The following PACRG variants were observed in gnomAD, a reference collection of about 807,000 sequenced individuals.
The protein encoded by PACRG is parkin coregulated gene protein.
In PACRG, 29 loss-of-function variants were observed where a neutral mutation model predicts 29.7. That is an observed-to-expected ratio of 0.98 (90% CI 0.73 to 1.33). The LOEUF is 1.33. Among genes scored for constraint, PACRG ranks in the 40% most tolerant of loss-of-function variants. The pLI is 0.00. For synonymous variants in PACRG, 116 were observed against 118.7 expected (o/e 0.98, Z 0.15); for missense variants, 279 against 316.2 (o/e 0.88, Z 0.89).
intron 4 of PACRG, among the ~76,000 whole-genome samples, chr6:163,242,434 C>G (rs774687792): frequency 7.2e-5 from 11 of 152,180 alleles, no homozygotes; most frequent in Non-Finnish European, 1.6e-4. Flanking sequence ...TTGGAAACTG[C>G]CCTGGACTGG....
At chr6:163,302,562 TG>T (rs768363232) in intron 4 of PACRG, among the ~76,000 whole-genome samples, 8 of 152,360 alleles carry the variant, frequency 5.3e-5, no homozygotes, top group Non-Finnish European at 1.0e-4. Context: ...TGCTTTGATT[TG>T]TTCATTAAAT....
At chr6:163,301,355 C>T (rs1203388646) in intron 4 of PACRG, among the ~76,000 whole-genome samples, 2 of 152,220 alleles carry the variant, frequency 1.3e-5, no homozygotes, top group African/African-American at 4.8e-5. Context: ...ACATATTGAA[C>T]TATATCTGAA....
At chr6:162,736,939 C>A (rs1780210103) in intron 1 of PACRG, among the ~76,000 whole-genome samples, 1 of 152,096 alleles carries the variant, frequency 6.6e-6, no homozygotes, top group Admixed American at 6.5e-5. Flanking sequence ...CTTTGTCTTT[C>A]ACTTAGGTTG....
chr6:162,735,780 A>G (rs928871478), intron 1 of PACRG, among the ~76,000 whole-genome samples: 1 of 152,184 alleles, frequency 6.6e-6, no homozygotes, highest in African/African-American at 2.4e-5. Context: ...CCTCAAACAT[A>G]CTTGTGTATT....
intron 2 of PACRG, among the ~76,000 whole-genome samples, chr6:163,010,588 C>T (rs1441889258): frequency 6.6e-6 from 1 of 152,160 alleles, no homozygotes; most frequent in Non-Finnish European, 1.5e-5. Context: ...ATCATGTAGC[C>T]AGAGTCTGCC....
At chr6:163,312,651 G>GTTT (rs1785471512) in intron 4 of PACRG, 1 of 287,808 alleles carries the variant, frequency 3.5e-6, no homozygotes, top group African/African-American at 2.3e-5. Flanking sequence ...CCATTTACAT[G>GTTT]TTTGTTTTTA....
intron 1 of PACRG, among the ~76,000 whole-genome samples, chr6:162,764,747 C>CTT (rs35179604): frequency 2.4e-4 from 34 of 144,310 alleles, no homozygotes; most frequent in Middle Eastern, 3.6e-3. Context: ...GGAATCCAAA[C>CTT]TTTTTTTTTT....
intron 2 of PACRG, among the ~76,000 whole-genome samples, chr6:162,835,925 A>G (rs575775186): frequency 1.5e-4 from 23 of 152,210 alleles, no homozygotes; most frequent in Admixed American, 9.8e-4. Context: ...TTCCAGTAGG[A>G]AAAAAGTGGT....
intron 4 of PACRG, among the ~76,000 whole-genome samples, chr6:163,206,725 T>A (rs1780917839): frequency 7.6e-6 from 1 of 132,072 alleles, no homozygotes; most frequent in African/African-American, 3.1e-5. Flanking sequence ...AAAGAAATAT[T>A]TCTCAGACTC....
intron 2 of PACRG, among the ~76,000 whole-genome samples, chr6:162,962,912 C>G (rs1024155128): frequency 2.6e-5 from 4 of 152,110 alleles, no homozygotes; most frequent in Non-Finnish European, 4.4e-5. Flanking sequence ...GTTATGAAAG[C>G]AAATTGACTT....
At chr6:162,826,137 A>G (rs1014703663) in intron 2 of PACRG, among the ~76,000 whole-genome samples, 18 of 152,210 alleles carry the variant, frequency 1.2e-4, no homozygotes, top group African/African-American at 4.1e-4. Context: ...AAAAAAAATC[A>G]ATAGAATAAA....
chr6:162,971,526 A>T (rs994052679), intron 2 of PACRG, among the ~76,000 whole-genome samples: 7 of 152,216 alleles, frequency 4.6e-5, no homozygotes, highest in African/African-American at 2.4e-5. Context: ...AAACCACTGC[A>T]GAGTCAGAGA....
At chr6:162,816,646 C>A (rs981459532) in intron 2 of PACRG, among the ~76,000 whole-genome samples, 1 of 152,172 alleles carries the variant, frequency 6.6e-6, no homozygotes, top group African/African-American at 2.4e-5. Flanking sequence ...GCCACCGCGC[C>A]CAGCCAAGAC....
rs1455156777 is a variant in PACRG, at chr6:163,015,756, T to C, written c.292-46394T>C. 2.6e-5 allele frequency among the ~76,000 whole-genome samples: 4 copies of C among 152,190 alleles called. No homozygotes were observed. In the East Asian group the frequency reaches 7.7e-4, roughly 29 times the overall value. ...TCCAGGAGCTTTTTGGTGGTGTCTT[T>C]AGGGCTTTCAAGGTATAGAAAACCA... On this transcript the variant is annotated intron_variant, in intron 2 of 4. Transcript: ENST00000366888.
chr6:163,205,540 T>C (rs972170592), intron 4 of PACRG, among the ~76,000 whole-genome samples: 4 of 152,074 alleles, frequency 2.6e-5, no homozygotes, highest in South Asian at 2.1e-4. Flanking sequence ...CCCTTCCTTA[T>C]ACTGTGCACA....
At chr6:162,920,864 A>T (rs1797018661) in intron 2 of PACRG, among the ~76,000 whole-genome samples, 1 of 152,194 alleles carries the variant, frequency 6.6e-6, no homozygotes, top group Non-Finnish European at 1.5e-5. Context: ...CATTCTAGAT[A>T]ATAGGGAGAA....
chr6:163,100,649 C>T (rs1815026883), intron 4 of PACRG: 2 of 492,812 alleles, frequency 4.1e-6, no homozygotes, highest in African/African-American at 2.1e-5. Context: ...CCCTGCCACA[C>T]CTGTGGTTTG....
intron 4 of PACRG, among the ~76,000 whole-genome samples, chr6:163,150,607 C>T (rs1011778291): frequency 4.0e-5 from 6 of 150,634 alleles, no homozygotes; most frequent in South Asian, 2.1e-4. Context: ...CAAGTTCCCC[C>T]GCCTCTTACC....
chr6:162,800,948 A>ATCACC (rs776497666), intron 1 of PACRG, among the ~76,000 whole-genome samples: 52 of 152,154 alleles, frequency 3.4e-4, no homozygotes, highest in African/African-American at 1.1e-3. Context: ...CAAGGGTCCA[A>ATCACC]TCCCCACACC....
Sources: gnomAD v4.1 joint callset for allele counts (sites outside exome capture counted in the v4.1 genomes callset) on GRCh38, gnomAD v4.1.1 for gene constraint, MANE v1.5 for transcripts, NCBI Gene and HGNC (gene_info 2026-07-23, HGNC 2026-07-21) for gene names.